NLRP2: variants seen among roughly 807,000 people sequenced by gnomAD.
NLRP2 encodes the protein NLR family pyrin domain containing 2, also known as NACHT, LRR and PYD domains-containing protein 2.
Under a neutral mutation model 97.2 loss-of-function variants are expected in NLRP2, and 107 were observed. The ratio of observed to expected loss-of-function variants is 1.10; its 90% CI spans 0.94 to 1.29. NLRP2 has a LOEUF of 1.29. NLRP2 is among the 50% of genes most tolerant of loss of function. The probability of loss-of-function intolerance (pLI) is 0.00; values close to 1 mark genes in which losing one functional copy is unlikely to be tolerated. For synonymous variants in NLRP2, 663 were observed against 551.5 expected (o/e 1.20, Z -2.83); for missense variants, 1,495 against 1,330.3 (o/e 1.12, Z -1.93).
intron 10 of NLRP2, chr19:54,991,384 CTCTA>C (rs2072464996): frequency 6.6e-6 from 1 of 152,216 alleles, no homozygotes; most frequent in African/African-American, 2.4e-5. Flanking sequence ...AACATTGTCT[CTCTA>C]CTAAAAATAC....
intron 4 of NLRP2, 106 bp downstream of exon 4, chr19:54,977,929 C>G: frequency 9.5e-7 from 1 of 1,051,548 alleles, no homozygotes; most frequent in Non-Finnish European, 1.4e-6. Context: ...ATCTTTTCCT[C>G]CACTATTCTT....
rs770703521 is a variant in NLRP2, at chr19:54,990,649, C to T, written c.2685C>T (p.Pro895=). 107 of 1,613,970 alleles carry T rather than the reference C, an allele frequency of 6.6e-5. 1 individual carries two copies. The Middle Eastern group carries it at 1.3e-3, about 20-fold the overall frequency. Reference sequence around the variant, plus strand: ...TTCTGTGTGAGGGCTTGAGGTACCCCGAGTGTAAACTGCAGACCTTGGTGT... The same window carrying T: ...TTCTGTGTGAGGGCTTGAGGTACCCTGAGTGTAAACTGCAGACCTTGGTGT... ...VKFLCEGLRY[P]ECKLQTLVLW... Residue 895 remains proline, a synonymous_variant, in exon 10 of 13, where the codon CCC becomes CCT. Coordinates refer to ENST00000448584, the MANE Select transcript of NLRP2 (RefSeq NM_017852.5).
intron 9 of NLRP2, 134 bp downstream of exon 9, chr19:54,990,326 G>C: frequency 8.8e-7 from 1 of 1,138,210 alleles, no homozygotes; most frequent in Non-Finnish European, 1.3e-6. Flanking sequence ...GATCCAGGCC[G>C]ATGGCCTGTG....
intron 10 of NLRP2, 99 bp downstream of exon 10, chr19:54,990,771 A>G (rs2072424003): frequency 7.9e-7 from 1 of 1,259,114 alleles, no homozygotes. Context: ...TAATTCCTCT[A>G]AAAGTTCCAA....
At chr19:54,966,825 C>CTTTTTTTTTTTTT (rs1044701142) in intron 1 of NLRP2, among the ~76,000 whole-genome samples, 8 of 74,988 alleles carry the variant, frequency 1.1e-4, no homozygotes, top group Admixed American at 3.3e-4. Context: ...CGCGCCCAGC[C>CTTTTTTTTTTTTT]TTTTTTTTTT....
intron 12 of NLRP2, among the ~76,000 whole-genome samples, chr19:54,998,942 G>T (rs1387746546): frequency 9.9e-5 from 15 of 151,826 alleles, no homozygotes; most frequent in African/African-American, 2.4e-4. Flanking sequence ...AGAGCACGGG[G>T]TTGGGGGTAA....
Position 54,986,322 on chromosome 19 carries a change from C to G in NLRP2, c.2366+7C>G. 1.2e-6 allele frequency: 2 copies of G among 1,610,672 alleles called. No homozygotes were observed. Among genetic ancestry groups the G allele is most frequent in the South Asian group, 1.1e-5 (1 of 90,996 alleles). On this transcript the variant is annotated splice_region_variant and intron_variant, in intron 8 of 12. Transcript: ENST00000448584. ...GTAACCTGCGATATCTCGGGTATAT[C>G]TCTTAATCATTAAAATCCTTCATCA...
chr19:54,974,646 G>A, intron 3 of NLRP2, 102 bp downstream of exon 3: 1 of 875,686 alleles, frequency 1.1e-6, no homozygotes, highest in Non-Finnish European at 1.9e-6. Context: ...GCAAAGAAAT[G>A]CCGGACTTAG....
Position 54,985,432 on chromosome 19 carries a change from C to A in NLRP2, c.2201+215C>A, listed in dbSNP as rs199475719. The stretch of plus-strand genomic sequence containing the variant: ...GTGGTTCACACTTGTAATTCCAACA[C>A]TTCGGGAGGCCGAGGCAGACAGATC... On this transcript the variant is annotated intron_variant, in intron 7 of 12. Coordinates refer to ENST00000448584, the MANE Select transcript of NLRP2 (RefSeq NM_017852.5). 1.9e-3 allele frequency among the ~76,000 whole-genome samples: 286 copies of A among 152,208 alleles called. 3 individuals carry two copies. Among genetic ancestry groups the A allele is most frequent in the African/African-American group, 6.6e-3 (274 of 41,540 alleles).
chr19:54,972,422 C>G (rs1031915628), intron 2 of NLRP2, among the ~76,000 whole-genome samples: 3 of 151,766 alleles, frequency 2.0e-5, no homozygotes, highest in Non-Finnish European at 4.4e-5. Context: ...ACCACGTGAT[C>G]AACCCGCCTC....
chr19:55,000,270 CTTTTTTTTTTTTTTTTTTTT>C lies in NLRP2; in HGVS notation c.3051-470_3051-451del, dbSNP rs1157138794. Among the ~76,000 whole-genome samples the C allele has an allele frequency of 6.7e-3, 241 of 36,016 alleles. 2 individuals carry two copies. Among genetic ancestry groups the C allele is most frequent in the African/African-American group, 0.023 (212 of 9,038 alleles). The allele number at this position is 36,016 out of a possible 152,430, so 23.6% of individuals were successfully genotyped here. On this transcript the variant is annotated intron_variant, in intron 12 of 12. Coordinates refer to ENST00000448584, the MANE Select transcript of NLRP2 (RefSeq NM_017852.5). ...CCAGCTTGGGCAACAGAGAGACTGTCTTTTTTTTTTTTTTTTTTTTTTTTTTTTTTTTTTTTTTTGAGATC... is the reference window on the plus strand; with the variant it reads ...CCAGCTTGGGCAACAGAGAGACTGTCTTTTTTTTTTTTTTTTTTTGAGATC...
chr19:54,981,509 G>GCCCCCCCCCCCCCCCCCCCCCCCCCACCC, intron 4 of NLRP2, 108 bp from the exon 5 acceptor site: 1 of 386,504 alleles, frequency 2.6e-6, no homozygotes, highest in Admixed American at 2.8e-5. Context: ...CTGATCCCGT[G>GCCCCCCCCCCCCCCCCCCCCCCCCCACCC]CCCCCCCTCC....
intron 8 of NLRP2, among the ~76,000 whole-genome samples, chr19:54,986,919 C>T (rs2072132021): frequency 6.6e-6 from 1 of 151,914 alleles, no homozygotes; most frequent in Non-Finnish European, 1.5e-5. Flanking sequence ...GAGTCTCGCT[C>T]TGTCACCCAG....
chr19:54,983,469 A>G lies in NLRP2; in HGVS notation c.1771A>G (p.Ser591Gly). ...IKQELLRCDI[S>G]CKGGHSTVTD... ...ACAGGAATTGCTGCGATGCGACATA[A>G]GTTGTAAGGGTGGACATTCAACGGT... is the stretch of plus-strand genomic sequence containing the variant. Residue 591 changes from serine to glycine, a missense_variant, in exon 6 of 13, where the codon AGT becomes GGT. Coordinates refer to ENST00000448584, the MANE Select transcript of NLRP2 (RefSeq NM_017852.5). 6.2e-7 allele frequency: 1 copy of G among 1,614,140 alleles called. No homozygotes were observed.
chr19:54,982,032 C>T (rs1229561952), intron 5 of NLRP2, 130 bp from the exon 6 acceptor site: 1 of 1,153,266 alleles, frequency 8.7e-7, no homozygotes, highest in African/African-American at 1.5e-5. Flanking sequence ...CCTGCCTCGA[C>T]CTCCCAAAGG....
At chr19:54,976,819 T>TC in intron 3 of NLRP2, 1 of 403,126 alleles carries the variant, frequency 2.5e-6, no homozygotes. Context: ...TCTCTTTTTT[T>TC]TTTTTTTTTT....
chr19:54,991,876 A>G (rs2072497418), intron 10 of NLRP2, among the ~76,000 whole-genome samples: 1 of 148,522 alleles, frequency 6.7e-6, no homozygotes, highest in Admixed American at 6.8e-5. Flanking sequence ...TTGTATCTGC[A>G]CTGATGGTTT....
At chr19:54,989,323 T>A (rs1355629301) in intron 8 of NLRP2, among the ~76,000 whole-genome samples, 2 of 151,886 alleles carry the variant, frequency 1.3e-5, no homozygotes, top group Non-Finnish European at 2.9e-5. Context: ...AATACAAAAA[T>A]TAGCCAGGCA....
chr19:54,970,306 A>G lies in NLRP2; in HGVS notation c.280+11A>G, dbSNP rs774937839. ...AGGATGAAGTCAGAGGTGAGTGGAAATCGGTCCACACTGTGTCCTAGGAGG... is the reference window on the plus strand; with the variant it reads ...AGGATGAAGTCAGAGGTGAGTGGAAGTCGGTCCACACTGTGTCCTAGGAGG... On this transcript the variant is annotated intron_variant, in intron 2 of 12. Transcript: ENST00000448584. 1.2e-6 allele frequency: 2 copies of G among 1,614,080 alleles called. No homozygotes were observed. Among genetic ancestry groups the G allele is most frequent in the South Asian group, 2.2e-5 (2 of 91,074 alleles).
Sources: gnomAD v4.1 joint callset for allele counts (sites outside exome capture counted in the v4.1 genomes callset) on GRCh38, gnomAD v4.1.1 for gene constraint, MANE v1.5 for transcripts, NCBI Gene and HGNC (gene_info 2026-07-23, HGNC 2026-07-21) for gene names.